AGBL1: variants seen among roughly 807,000 people sequenced by gnomAD.
AGBL1 encodes cytosolic carboxypeptidase 4.
Under a neutral mutation model 118.9 loss-of-function variants are expected in AGBL1, and 130 were observed. That is an observed-to-expected ratio of 1.09 (90% CI 0.95 to 1.26). AGBL1 has a LOEUF of 1.26. Among genes scored for constraint, AGBL1 ranks in the 50% most tolerant of loss-of-function variants. The probability of loss-of-function intolerance (pLI) is 0.00; values close to 1 mark genes in which losing one functional copy is unlikely to be tolerated. For missense variants in AGBL1, 1,584 were observed against 1,298.1 expected (o/e 1.22, Z -3.38); for synonymous variants, 555 against 478.9 (o/e 1.16, Z -2.08).
At chr15:86,097,461 C>T (rs1390947625) in intron 1 of AGBL1, among the ~76,000 whole-genome samples, 2 of 151,896 alleles carry the variant, frequency 1.3e-5, no homozygotes, top group African/African-American at 2.4e-5. Context: ...TTTACTCTTC[C>T]TCCACATTGA....
chr15:86,893,018 T>C (rs1261400009), intron 22 of AGBL1, among the ~76,000 whole-genome samples: 1 of 152,054 alleles, frequency 6.6e-6, no homozygotes, highest in Non-Finnish European at 1.5e-5. Context: ...AGATAGAAGG[T>C]CAAGGGAGAA....
chr15:86,812,492 T>A (rs182331896), intron 22 of AGBL1, among the ~76,000 whole-genome samples: 2 of 152,240 alleles, frequency 1.3e-5, no homozygotes, highest in African/African-American at 2.4e-5. Flanking sequence ...ACAGTTTTGA[T>A]GCTCGAGCTC....
At chr15:86,971,228 T>G (rs1473180044) in intron 23 of AGBL1, among the ~76,000 whole-genome samples, 1 of 152,038 alleles carries the variant, frequency 6.6e-6, no homozygotes, top group African/African-American at 2.4e-5. Context: ...ACTGTCATAC[T>G]TGGATGTAGA....
Position 86,555,974 on chromosome 15 carries a change from C to T in AGBL1, c.2994+1437C>T, listed in dbSNP as rs901497914. On this transcript the variant is annotated intron_variant, in intron 21 of 22. Coordinates refer to ENST00000614907, the MANE Select transcript of AGBL1 (RefSeq NM_001386094.1). ...ACATAGGTTTGTGTCTCTCTCTGTA[C>T]ATGTGTCTTGATGGGAAGGGGCTTG... is the stretch of plus-strand genomic sequence containing the variant. 1.4e-4 allele frequency among the ~76,000 whole-genome samples: 21 copies of T among 152,128 alleles called. 1 individual carries two copies. Among genetic ancestry groups the T allele is most frequent in the African/African-American group, 5.1e-4 (21 of 41,418 alleles).
chr15:86,554,926 G>A (rs1252409640), intron 21 of AGBL1, among the ~76,000 whole-genome samples: 3 of 152,280 alleles, frequency 2.0e-5, no homozygotes, highest in South Asian at 2.1e-4. Context: ...AGGTCAGTGT[G>A]TAGATATTGT....
chr15:86,489,804 T>C (rs1231848437), intron 18 of AGBL1, among the ~76,000 whole-genome samples: 36 of 152,056 alleles, frequency 2.4e-4, no homozygotes, highest in Non-Finnish European at 1.5e-5. Context: ...TTAAGAGACA[T>C]TCGTTCAGCA....
At chr15:86,443,089 TG>T (rs554519112) in intron 18 of AGBL1, among the ~76,000 whole-genome samples, 2 of 152,296 alleles carry the variant, frequency 1.3e-5, no homozygotes, top group South Asian at 4.1e-4. Flanking sequence ...TGTTCTCTTC[TG>T]TTGTTGCCCT....
At chr15:87,019,009 T>TAA (rs57223145) in intron 24 of AGBL1, among the ~76,000 whole-genome samples, 16 of 150,212 alleles carry the variant, frequency 1.1e-4, no homozygotes, top group African/African-American at 3.9e-4. Context: ...CCAACAAAGA[T>TAA]AAAAAAAAAG....
intron 21 of AGBL1, among the ~76,000 whole-genome samples, chr15:86,560,654 C>A (rs1294605444): frequency 6.6e-6 from 1 of 152,174 alleles, no homozygotes; most frequent in African/African-American, 2.4e-5. Context: ...GTTATATACC[C>A]AGTAATGGGA....
rs549399103 is a variant in AGBL1 at position 86,559,680 on chromosome 15, T to G, written c.2994+5143T>G. On this transcript the variant is annotated intron_variant, in intron 21 of 22. Transcript: ENST00000614907. The stretch of plus-strand genomic sequence containing the variant: ...ACAAAGCACTACAAAATCAGTTTCA[T>G]TATTATTCTCATTATTCCTATTTTA... 1.6e-4 allele frequency among the ~76,000 whole-genome samples: 25 copies of G among 152,294 alleles called. No homozygotes were observed. In the South Asian group the frequency reaches 5.2e-3, roughly 32 times the overall value.
At chr15:86,900,686 A>G (rs1479265047) in intron 22 of AGBL1, among the ~76,000 whole-genome samples, 1 of 149,918 alleles carries the variant, frequency 6.7e-6, no homozygotes, top group Non-Finnish European at 1.5e-5. Flanking sequence ...TCTTCCTTCT[A>G]TAAACAATGC....
intron 5 of AGBL1, among the ~76,000 whole-genome samples, chr15:86,215,059 CA>C (rs2078162012): frequency 6.6e-6 from 1 of 152,070 alleles, no homozygotes; most frequent in South Asian, 2.1e-4. Context: ...ATTTCTGCAC[CA>C]TATGTTTATT....
In AGBL1 at chr15:86,549,559, A is replaced by AC. The variant is rs1036591944; in HGVS notation, c.2817+3426_2817+3427insC. Among the ~76,000 whole-genome samples the AC allele has an allele frequency of 9.7e-4, 147 of 152,182 alleles. No homozygotes were observed. In the Middle Eastern group the frequency reaches 0.01, roughly 11 times the overall value. ...AAAATAGAATCCAGAGATGCTAAAAAAAAAGTATAATCTATGATGTCCAGT... is the reference window on the plus strand; with the variant it reads ...AAAATAGAATCCAGAGATGCTAAAAACAAAAGTATAATCTATGATGTCCAGT... On this transcript the variant is annotated intron_variant, in intron 20 of 22. Coordinates refer to ENST00000614907, the MANE Select transcript of AGBL1 (RefSeq NM_001386094.1).
At chr15:86,441,156 C>T (rs1013148834) in intron 18 of AGBL1, among the ~76,000 whole-genome samples, 3 of 152,106 alleles carry the variant, frequency 2.0e-5, no homozygotes, top group Non-Finnish European at 4.4e-5. Flanking sequence ...AAAGGGTGCT[C>T]GGTGTGGTTA....
intron 22 of AGBL1, among the ~76,000 whole-genome samples, chr15:86,810,011 C>T (rs191995462): frequency 4.9e-4 from 75 of 152,164 alleles, no homozygotes; most frequent in Admixed American, 8.5e-4. Context: ...AAAAAAATCT[C>T]ATTAAAACAT....
chr15:86,718,191 G>A (rs557202422), intron 22 of AGBL1, among the ~76,000 whole-genome samples: 47 of 152,254 alleles, frequency 3.1e-4, no homozygotes, highest in African/African-American at 9.6e-4. Flanking sequence ...AAGGCTGATC[G>A]CTGCCCAGCT....
chr15:86,237,974 G>C (rs560386138), intron 6 of AGBL1, among the ~76,000 whole-genome samples: 48 of 152,244 alleles, frequency 3.2e-4, no homozygotes, highest in African/African-American at 1.1e-3. Flanking sequence ...TTATCCACTT[G>C]CTGTGTGCCC....
At chr15:86,834,891 A>G (rs1488137817) in intron 22 of AGBL1, among the ~76,000 whole-genome samples, 2 of 152,182 alleles carry the variant, frequency 1.3e-5, no homozygotes, top group Admixed American at 6.5e-5. Flanking sequence ...GAAACGTGGG[A>G]TCCAGAGGAT....
rs78441513 is a variant in AGBL1, at chr15:86,098,841, T to C, written c.51+18818T>C. On this transcript the variant is annotated intron_variant, in intron 1 of 22. Coordinates refer to ENST00000614907, the MANE Select transcript of AGBL1 (RefSeq NM_001386094.1). ...AAAAATTTTAGATTTTTTTTAATTC[T>C]GTGAAAAATAACATTGGTATTTTGA... Among the ~76,000 whole-genome samples the C allele has an allele frequency of 9.7e-3, 1,479 of 152,284 alleles. 8 individuals carry two copies. The highest frequency in any genetic ancestry group is 0.015 in the Non-Finnish European group (1,037 of 68,004).
Sources: gnomAD v4.1 joint callset for allele counts (sites outside exome capture counted in the v4.1 genomes callset) on GRCh38, gnomAD v4.1.1 for gene constraint, MANE v1.5 for transcripts, NCBI Gene and HGNC (gene_info 2026-07-23, HGNC 2026-07-21) for gene names.